SULT1B1: variants seen among roughly 807,000 people sequenced by gnomAD.
SULT1B1 encodes the protein sulfotransferase 1B1.
Under a neutral mutation model 34.6 loss-of-function variants are expected in SULT1B1, and 28 were observed. The ratio of observed to expected loss-of-function variants is 0.81; its 90% CI spans 0.60 to 1.11. The LOEUF is 1.11. SULT1B1 is among the 50% of genes least tolerant of loss of function. The probability of loss-of-function intolerance (pLI) is 0.00; values close to 1 mark genes in which losing one functional copy is unlikely to be tolerated. For missense variants in SULT1B1, 374 were observed against 352.2 expected, an observed-to-expected ratio of 1.06 and a Z score of -0.50; for synonymous variants, 147 against 110.2, an observed-to-expected ratio of 1.33 and a Z score of -2.09.
At chr4:69,755,501 C>G (rs902087989) in intron 1 of SULT1B1, among the ~76,000 whole-genome samples, 1 of 152,146 alleles carries the variant, frequency 6.6e-6, no homozygotes, top group Non-Finnish European at 1.5e-5. Flanking sequence ...CTGCATATCT[C>G]TCTTTGAATT....
intron 2 of SULT1B1, 116 bp downstream of exon 2, chr4:69,754,954 G>T: frequency 8.1e-7 from 1 of 1,230,634 alleles, no homozygotes; most frequent in Non-Finnish European, 1.2e-6. Flanking sequence ...TAAAATAGAT[G>T]GCTGCACAAA....
intron 4 of SULT1B1, among the ~76,000 whole-genome samples, chr4:69,738,381 G>C (rs561657148): frequency 6.6e-6 from 1 of 152,196 alleles, no homozygotes; most frequent in Non-Finnish European, 1.5e-5. Context: ...AGAAGCCTCA[G>C]GAAACTTACA....
Position 69,730,691 on chromosome 4 carries a change from G to A in SULT1B1, c.598-10C>T, listed in dbSNP as rs771007173. On this transcript the variant is annotated splice_polypyrimidine_tract_variant and intron_variant, in intron 6 of 7. Coordinates refer to ENST00000310613, the MANE Select transcript of SULT1B1 (RefSeq NM_014465.4). ...TTTCCTCCTTTGGATTCTATTAGTGGGTAAAACCCAAGACAATAAACAAGT... is the reference window on the plus strand; with the variant it reads ...TTTCCTCCTTTGGATTCTATTAGTGAGTAAAACCCAAGACAATAAACAAGT... The A allele has an allele frequency of 2.6e-5, 41 of 1,605,958 alleles. No individual in the cohort carries two copies. Among genetic ancestry groups the A allele is most frequent in the Non-Finnish European group, 3.2e-5 (38 of 1,176,900 alleles).
chr4:69,750,241 C>T (rs990445192), intron 3 of SULT1B1, among the ~76,000 whole-genome samples: 2 of 152,038 alleles, frequency 1.3e-5, no homozygotes, highest in Non-Finnish European at 2.9e-5. Context: ...AACTGGCTAT[C>T]GTGTTGTATT....
chr4:69,749,358 A>G (rs75921547), intron 4 of SULT1B1, among the ~76,000 whole-genome samples: 4,759 of 152,252 alleles, frequency 0.031, 106 homozygotes, highest in Admixed American at 0.057. Context: ...AATTTCCCCA[A>G]AAGCAGATAA....
At chr4:69,740,973 C>T (rs1470050091) in intron 4 of SULT1B1, among the ~76,000 whole-genome samples, 2 of 152,092 alleles carry the variant, frequency 1.3e-5, no homozygotes, top group Admixed American at 6.5e-5. Flanking sequence ...AAGCCTATAT[C>T]GAGAATGATA....
intron 6 of SULT1B1, among the ~76,000 whole-genome samples, chr4:69,732,068 A>G (rs986808184): frequency 6.6e-6 from 1 of 152,230 alleles, no homozygotes; most frequent in Non-Finnish European, 1.5e-5. Context: ...CTTATGAGGA[A>G]TTTATAACTT....
chr4:69,758,319 A>G lies in SULT1B1; in HGVS notation c.-45+2140T>C, dbSNP rs1311945277. The G allele has an allele frequency of 8.1e-6, 8 of 985,324 alleles. No individual in the cohort carries two copies. The East Asian group carries it at 7.9e-4, about 98-fold the overall frequency. The allele number at this position is 985,324 out of a possible 1,614,324, so 61.0% of individuals were successfully genotyped here. A position where few individuals can be genotyped will look rare whatever the true frequency, so the allele number is the denominator to read the frequency against. ...CACTTCTCACCCAGAATCTTTTGAT[A>G]TCTTGAGAATAGTGCCCCTTCTCAG... On this transcript the variant is annotated intron_variant, in intron 1 of 7. Transcript: ENST00000310613.
chr4:69,743,706 C>A (rs896591279), intron 4 of SULT1B1, among the ~76,000 whole-genome samples: 4 of 152,156 alleles, frequency 2.6e-5, no homozygotes, highest in Admixed American at 6.5e-5. Context: ...AGAGGGGACC[C>A]AGGGGGCTGG....
chr4:69,749,102 T>C (rs1187638195), intron 4 of SULT1B1, among the ~76,000 whole-genome samples: 3 of 151,832 alleles, frequency 2.0e-5, no homozygotes, highest in Non-Finnish European at 4.4e-5. Flanking sequence ...AAAATTAATA[T>C]ACTTAAGAGG....
Position 69,724,461 on chromosome 4 carries a change from G to C in SULT1B1, c.*2627C>G, listed in dbSNP as rs1466381314. The C allele has an allele frequency of 6.6e-6, 1 of 152,162 alleles. No individual in the cohort carries two copies. Among genetic ancestry groups the C allele is most frequent in the Non-Finnish European group, 1.5e-5 (1 of 68,042 alleles). 9.4% of individuals were successfully genotyped at this position (152,162 alleles called of 1,614,324 possible). A position where few individuals can be genotyped will look rare whatever the true frequency, so the allele number is the denominator to read the frequency against. On this transcript the variant is annotated 3_prime_UTR_variant, in exon 8 of 8. Coordinates refer to ENST00000310613, the MANE Select transcript of SULT1B1 (RefSeq NM_014465.4). ...GCCATACTGCCCAAGGTCATTTATA[G>C]ATTCAATGCCATCCCCATTAAGCTA...
rs1051081705 is a variant in SULT1B1, at chr4:69,725,874, G to A, written c.*1214C>T. 6.6e-6 allele frequency: 1 copy of A among 151,172 alleles called. No homozygotes were observed. The highest frequency in any genetic ancestry group is 2.4e-5 in the African/African-American group (1 of 41,120). 9.4% of individuals were successfully genotyped at this position (151,172 alleles called of 1,614,324 possible). Reference sequence around the variant, plus strand: ...ACATCACACACTGGGGCCTGTTGTGGGGTGGAGGGAGGGGGGAAGGATAGC... The same window carrying A: ...ACATCACACACTGGGGCCTGTTGTGAGGTGGAGGGAGGGGGGAAGGATAGC... On this transcript the variant is annotated 3_prime_UTR_variant, in exon 8 of 8. Coordinates refer to ENST00000310613, the MANE Select transcript of SULT1B1 (RefSeq NM_014465.4).
rs1286398149 is a variant in SULT1B1 at position 69,726,517 on chromosome 4, G to GA, written c.*570dup. ...AGACTTAGACATTAGGTATGATATAGAAAAAAGATTTCCAAAATCTGAACT... is the reference window on the plus strand; with the variant it reads ...AGACTTAGACATTAGGTATGATATAGAAAAAAAGATTTCCAAAATCTGAACT... On this transcript the variant is annotated 3_prime_UTR_variant, in exon 8 of 8. Transcript: ENST00000310613. 2 of 151,844 alleles carry GA rather than the reference G, an allele frequency of 1.3e-5. No individual in the cohort carries two copies. The highest frequency in any genetic ancestry group is 1.9e-4 in the East Asian group (1 of 5,152). The allele number at this position is 151,844 out of a possible 1,614,324, so 9.4% of individuals were successfully genotyped here. A position where few individuals can be genotyped will look rare whatever the true frequency, so the allele number is the denominator to read the frequency against.
At chr4:69,755,304 A>G (rs1029611368) in intron 1 of SULT1B1, 43 bp from the exon 2 acceptor site, 1 of 1,476,478 alleles carries the variant, frequency 6.8e-7, no homozygotes, top group Admixed American at 1.8e-5. Flanking sequence ...TGAGTAACTA[A>G]TGTTGGTCTT....
rs1300403545 is a variant in SULT1B1 at position 69,721,305 on chromosome 4, A to C, written c.*5783T>G. The C allele has an allele frequency of 6.6e-6, 1 of 152,172 alleles. No individual in the cohort carries two copies. The highest frequency in any genetic ancestry group is 1.9e-4 in the East Asian group (1 of 5,196). 9.4% of individuals were successfully genotyped at this position (152,172 alleles called of 1,614,324 possible). On this transcript the variant is annotated 3_prime_UTR_variant, in exon 8 of 8. Coordinates refer to ENST00000310613, the MANE Select transcript of SULT1B1 (RefSeq NM_014465.4). ...TTCTAATGATCATACATAAGAAGAC[A>C]TTTGTGAAGACAGCTTACATAATAA...
chr4:69,746,637 C>G (rs928731167), intron 4 of SULT1B1, among the ~76,000 whole-genome samples: 2 of 152,004 alleles, frequency 1.3e-5, no homozygotes, highest in South Asian at 2.1e-4. Flanking sequence ...GGGTTTCAAC[C>G]TTTTTCTATA....
rs146131731 is a variant in SULT1B1, at chr4:69,744,071, C to T, written c.375+5650G>A. 1.4e-3 allele frequency among the ~76,000 whole-genome samples: 215 copies of T among 152,324 alleles called. 4 individuals carry two copies. Among genetic ancestry groups the T allele is most frequent in the African/African-American group, 4.7e-3 (195 of 41,586 alleles). On this transcript the variant is annotated intron_variant, in intron 4 of 7. Transcript: ENST00000310613. ...GGGGCTCCTGCCTGCTCCCTGCTTC[C>T]GCTGGCTTCGTGGAGCAGGGCACTA... is the stretch of plus-strand genomic sequence containing the variant.
At chr4:69,734,335 A>G in intron 4 of SULT1B1, 71 bp from the exon 5 acceptor site, 2 of 1,503,594 alleles carry the variant, frequency 1.3e-6, no homozygotes, top group Non-Finnish European at 1.8e-6. Context: ...AAATTAACCT[A>G]TACGCATGTA....
At chr4:69,745,641 T>C (rs1159654841) in intron 4 of SULT1B1, among the ~76,000 whole-genome samples, 1 of 152,136 alleles carries the variant, frequency 6.6e-6, no homozygotes, top group African/African-American at 2.4e-5. Context: ...GGCAGCAGAG[T>C]TGGGTCTTGC....
Sources: gnomAD v4.1 joint callset for allele counts (sites outside exome capture counted in the v4.1 genomes callset) on GRCh38, gnomAD v4.1.1 for gene constraint, MANE v1.5 for transcripts, NCBI Gene and HGNC (gene_info 2026-07-23, HGNC 2026-07-21) for gene names.